CENPP: variants seen among roughly 807,000 people sequenced by gnomAD.
CENPP encodes the protein centromere protein P.
A neutral mutation model predicts 35.6 loss-of-function variants in CENPP; 24 were observed. That is an observed-to-expected ratio of 0.67 (90% confidence interval 0.49 to 0.95). CENPP has a LOEUF of 0.95. Ranked by LOEUF, CENPP falls within the 40% of genes least tolerant of loss-of-function variation. The pLI is 0.00. For synonymous variants in CENPP, 120 were observed against 125.5 expected (o/e 0.96, Z 0.29); for missense variants, 332 against 345.3 (o/e 0.96, Z 0.31).
chr9:92,417,077 G>A (rs1425634415), intron 5 of CENPP: 6 of 1,613,786 alleles, frequency 3.7e-6, no homozygotes, highest in African/African-American at 1.3e-5. Flanking sequence ...CAGAGATTTA[G>A]GAAGAGGAAA....
intron 5 of CENPP, among the ~76,000 whole-genome samples, chr9:92,538,448 A>C (rs549372858): frequency 6.6e-6 from 1 of 152,340 alleles, no homozygotes; most frequent in South Asian, 2.1e-4. Context: ...TATTTTTATC[A>C]TGTTTTGAGC....
chr9:92,429,830 T>C (rs897358197), intron 5 of CENPP, among the ~76,000 whole-genome samples: 4 of 152,104 alleles, frequency 2.6e-5, no homozygotes, highest in Admixed American at 2.0e-4. Context: ...CATCTTGTCA[T>C]TTTCTTGTGA....
rs562080454 is a variant in CENPP at position 92,399,754 on chromosome 9, G to A, written c.564+19895G>A. Among the ~76,000 whole-genome samples, 8 of 152,218 alleles carry A rather than the reference G, an allele frequency of 5.3e-5. No homozygotes were observed. In the South Asian group the frequency reaches 1.7e-3, roughly 32 times the overall value. ...TTCTCCCAGCACCATTTTTTAAAAA[G>A]ACCATTTTTGCTTCAGTGATTTAGG... On this transcript the variant is annotated intron_variant, in intron 5 of 7. Transcript: ENST00000375587.
intron 5 of CENPP, chr9:92,415,193 C>G: frequency 6.2e-7 from 1 of 1,613,542 alleles, no homozygotes; most frequent in Non-Finnish European, 8.5e-7. Context: ...AAGTGCCCTT[C>G]TGCTCCTTCT....
rs1449263354 is a variant in CENPP, at chr9:92,616,118, G to A, written c.*2969G>A. ...CCCCCCATTCATTTCCCTCCCTCCC[G>A]TTCTCTCTCCCTTTCTTCTTTCAAC... On this transcript the variant is annotated 3_prime_UTR_variant, in exon 8 of 8. Transcript: ENST00000375587. The A allele has an allele frequency of 2.3e-5, 26 of 1,150,200 alleles. 1 individual carries two copies. Among genetic ancestry groups the A allele is most frequent in the East Asian group, 1.5e-4 (6 of 40,154 alleles). 71.2% of individuals were successfully genotyped at this position (1,150,200 alleles called of 1,614,324 possible). A position where few individuals can be genotyped will look rare whatever the true frequency, so the allele number is the denominator to read the frequency against.
chr9:92,394,640 C>T (rs1469052599), intron 5 of CENPP, among the ~76,000 whole-genome samples: 15 of 151,384 alleles, frequency 9.9e-5, no homozygotes, highest in Non-Finnish European at 1.9e-4. Context: ...AGTCTCGCTT[C>T]GTCACCCAGG....
rs186080557 is a variant in CENPP, at chr9:92,605,280, C to T, written c.565-6034C>T. Among the ~76,000 whole-genome samples, 16 of 152,306 alleles carry T rather than the reference C, an allele frequency of 1.1e-4. No homozygotes were observed. In the East Asian group the frequency reaches 2.5e-3, roughly 24 times the overall value. Reference sequence around the variant, plus strand: ...CCGTAATTACAGGTGTGAACCACTGCGCCCAGCCCCTTACATTTCTATGTA... The same window carrying T: ...CCGTAATTACAGGTGTGAACCACTGTGCCCAGCCCCTTACATTTCTATGTA... On this transcript the variant is annotated intron_variant, in intron 5 of 7. Transcript: ENST00000375587.
In CENPP at chr9:92,620,075, T is replaced by A. The variant is rs969182821; in HGVS notation, c.*6926T>A. The A allele has an allele frequency of 1.1e-4, 18 of 161,458 alleles. No individual in the cohort carries two copies. Among genetic ancestry groups the A allele is most frequent in the African/African-American group, 4.3e-4 (18 of 41,990 alleles). 10.0% of individuals were successfully genotyped at this position (161,458 alleles called of 1,614,324 possible). A position where few individuals can be genotyped will look rare whatever the true frequency, so the allele number is the denominator to read the frequency against. On this transcript the variant is annotated 3_prime_UTR_variant, in exon 8 of 8. Coordinates refer to ENST00000375587, the MANE Select transcript of CENPP (RefSeq NM_001012267.3). ...CGGCCACCCTTCTACAGGCTGTGCA[T>A]GTGTTAACTTGCTCCACCCTCACAG...
intron 4 of CENPP, among the ~76,000 whole-genome samples, chr9:92,352,505 G>GTGTATATATATATATATATATATATA: frequency 4.0e-5 from 2 of 49,794 alleles, no homozygotes; most frequent in African/African-American, 3.6e-4. Context: ...GTGTGTGTGT[G>GTGTATATATATATATATATATATATA]TATACATATA....
chr9:92,376,019 G>T (rs538485022), intron 4 of CENPP, among the ~76,000 whole-genome samples: 1 of 152,266 alleles, frequency 6.6e-6, no homozygotes, highest in African/African-American at 2.4e-5. Flanking sequence ...TTTTGGTTCT[G>T]TATGGGGACA....
At chr9:92,382,390 C>T (rs1369443182) in intron 5 of CENPP, among the ~76,000 whole-genome samples, 1 of 152,000 alleles carries the variant, frequency 6.6e-6, no homozygotes, top group Non-Finnish European at 1.5e-5. Flanking sequence ...TCAGTATCTT[C>T]TAGCTATTTG....
intron 5 of CENPP, among the ~76,000 whole-genome samples, chr9:92,546,047 G>T (rs1278265167): frequency 6.6e-6 from 1 of 151,832 alleles, no homozygotes; most frequent in Non-Finnish European, 1.5e-5. Flanking sequence ...TCTAGCTCAG[G>T]GTTTGCAAAT....
chr9:92,582,313 C>T (rs1850446816), intron 5 of CENPP, among the ~76,000 whole-genome samples: 1 of 152,168 alleles, frequency 6.6e-6, no homozygotes, highest in Non-Finnish European at 1.5e-5. Flanking sequence ...CTGCCTTGGC[C>T]TGCCAAAGTG....
At chr9:92,346,669 A>G (rs911788404) in intron 4 of CENPP, among the ~76,000 whole-genome samples, 1 of 152,216 alleles carries the variant, frequency 6.6e-6, no homozygotes, top group African/African-American at 2.4e-5. Context: ...AATGGAATGA[A>G]GGGGTGCAAT....
At chr9:92,327,557 A>G (rs1840598420) in intron 1 of CENPP, among the ~76,000 whole-genome samples, 1 of 152,242 alleles carries the variant, frequency 6.6e-6, no homozygotes, top group South Asian at 2.1e-4. Context: ...AGCTGACTTA[A>G]TATTTAAATG....
chr9:92,570,341 G>A (rs1039475100), intron 5 of CENPP, among the ~76,000 whole-genome samples: 9 of 152,064 alleles, frequency 5.9e-5, no homozygotes, highest in African/African-American at 2.2e-4. Flanking sequence ...ATAATCATGT[G>A]GTTTTTGTCT....
Position 92,452,693 on chromosome 9 carries a change from G to C in CENPP, c.564+72834G>C, listed in dbSNP as rs978119940. Among the ~76,000 whole-genome samples the C allele has an allele frequency of 3.5e-3, 532 of 152,122 alleles. 5 individuals are homozygous for C. The highest frequency in any genetic ancestry group is 8.1e-3 in the African/African-American group (337 of 41,484). On this transcript the variant is annotated intron_variant, in intron 5 of 7. Coordinates refer to ENST00000375587, the MANE Select transcript of CENPP (RefSeq NM_001012267.3). The stretch of plus-strand genomic sequence containing the variant: ...GGAATGGTACCAGTTCCTCCTTGTA[G>C]CTCTGGTAGAATTCGGCTGTGAATC...
chr9:92,357,375 T>G (rs959063825), intron 4 of CENPP, among the ~76,000 whole-genome samples: 1 of 151,878 alleles, frequency 6.6e-6, no homozygotes, highest in Non-Finnish European at 1.5e-5. Flanking sequence ...TTTGTTTGCC[T>G]GAGAATGTCT....
At chr9:92,465,380 TTA>T (rs763603250) in intron 5 of CENPP, among the ~76,000 whole-genome samples, 24 of 152,246 alleles carry the variant, frequency 1.6e-4, no homozygotes, top group Non-Finnish European at 2.9e-4. Flanking sequence ...TCCAAAATGT[TTA>T]TGTTTTTCTG....
Sources: allele counts gnomAD v4.1 joint callset (sites outside exome capture counted in the v4.1 genomes callset), GRCh38; gene constraint gnomAD v4.1.1; transcripts MANE v1.5; gene names NCBI Gene and HGNC (gene_info 2026-07-23, HGNC 2026-07-21).